The following KCNH2 variants were observed in gnomAD, a reference collection of about 807,000 sequenced individuals.
KCNH2 encodes voltage-gated inwardly rectifying potassium channel KCNH2.
A neutral mutation model predicts 95.9 loss-of-function variants in KCNH2; 35 were observed. That is an observed-to-expected ratio of 0.37 (90% CI 0.28 to 0.48). The LOEUF (loss-of-function observed/expected upper bound fraction) is 0.48. Ranked by LOEUF, KCNH2 falls within the 20% of genes least tolerant of loss-of-function variation. KCNH2 has a pLI of 0.99. For synonymous variants in KCNH2, 786 were observed against 754.7 expected, an observed-to-expected ratio of 1.04 and a Z score of -0.68; for missense variants, 1,274 against 1,702.9, an observed-to-expected ratio of 0.75 and a Z score of 4.43.
At chr7:150,969,656 G>C (rs548724692) in intron 2 of KCNH2, among the ~76,000 whole-genome samples, 294 of 152,318 alleles carry the variant, frequency 1.9e-3, no homozygotes, top group Middle Eastern at 0.01. Context: ...AAACAGTGCC[G>C]AGCTCTCGCT....
chr7:150,974,614 C>A, intron 2 of KCNH2, 97 bp downstream of exon 2: 1 of 828,100 alleles, frequency 1.2e-6, no homozygotes, highest in East Asian at 3.6e-5. Context: ...TCCAGCCGCC[C>A]CCACACCCCC....
At chr7:150,956,333 G>C (rs1429632694) in intron 5 of KCNH2, among the ~76,000 whole-genome samples, 2 of 152,324 alleles carry the variant, frequency 1.3e-5, no homozygotes, top group East Asian at 3.9e-4. Context: ...CAGAAAGCCA[G>C]GCGGTGGGAG....
intron 2 of KCNH2, 137 bp downstream of exon 2, chr7:150,974,574 C>G (rs1169098185): frequency 2.3e-5 from 18 of 772,532 alleles, no homozygotes; most frequent in Admixed American, 5.0e-5. Context: ...GTCACACCCC[C>G]ACAGAACCCT....
In KCNH2 at chr7:150,961,943, G is replaced by C. The variant is rs1801577281; in HGVS notation, c.308-2207C>G. 6.6e-6 allele frequency among the ~76,000 whole-genome samples: 1 copy of C among 152,144 alleles called. No homozygotes were observed. The highest frequency in any genetic ancestry group is 2.1e-4 in the South Asian group (1 of 4,826). Reference sequence around the variant, plus strand: ...TTAAACAGGATGGCACTAGGTGAAGGGGCTGGCCAGGAACTCTCCGCCCCA... The same window carrying C: ...TTAAACAGGATGGCACTAGGTGAAGCGGCTGGCCAGGAACTCTCCGCCCCA... On this transcript the variant is annotated intron_variant, in intron 2 of 14. Transcript: ENST00000262186. The surrounding 1 kb of genome is among the most constrained non-coding windows in gnomAD (Gnocchi z 6.2).
At position 150,958,161 on chromosome 7, in the gene KCNH2, A is replaced by G. The variant is rs13229961; in HGVS notation, c.814T>C (p.Ser272Pro). 1 of 1,334,936 alleles carries G rather than the reference A, an allele frequency of 7.5e-7. No homozygotes were observed. The highest frequency in any genetic ancestry group is 9.6e-7 in the Non-Finnish European group (1 of 1,045,166). The allele number at this position is 1,334,936 out of a possible 1,614,324, so 82.7% of individuals were successfully genotyped here. ...GSSCSLARTR[S>P]RESCASVRRA... ...CGCACGCTGGCGCAGCTTTCTCGGG[A>G]GCGCGTCCGGGCCAGGCTGCAGCTG... is the stretch of plus-strand genomic sequence containing the variant. The change falls in exon 4 of 15, where the codon TCC (serine) becomes CCC (proline). Residue 272 changes from serine to proline, a missense_variant. By Grantham distance (74) the Ser-to-Pro change is moderately conservative. This residue lies in a region of KCNH2 where 392 missense variants were observed against 429.9 expected (regional missense o/e 0.91). Coordinates refer to ENST00000262186, the MANE Select transcript of KCNH2 (RefSeq NM_000238.4).
chr7:150,972,102 C>G (rs532777576), intron 2 of KCNH2, among the ~76,000 whole-genome samples: 3 of 152,326 alleles, frequency 2.0e-5, no homozygotes, highest in Middle Eastern at 3.4e-3. Context: ...TCAGCCCACA[C>G]TCCCCCAGTC....
At position 150,961,086 on chromosome 7, in the gene KCNH2, C is replaced by T. The variant is rs965660705; in HGVS notation, c.308-1350G>A. On this transcript the variant is annotated intron_variant, in intron 2 of 14. Transcript: ENST00000262186. The surrounding 1 kb of genome is among the most constrained non-coding windows in gnomAD (Gnocchi z 6.2). ...CCCTAGGGAGCCTCTTCCTTCCTCTCAGCTCCCCCTCTGCTCAGCTGTCTT... is the reference window on the plus strand; with the variant it reads ...CCCTAGGGAGCCTCTTCCTTCCTCTTAGCTCCCCCTCTGCTCAGCTGTCTT... Among the ~76,000 whole-genome samples the T allele has an allele frequency of 6.6e-6, 1 of 152,202 alleles. No homozygotes were observed. The highest frequency in any genetic ancestry group is 6.5e-5 in the Admixed American group (1 of 15,286).
rs1227989254 is a variant in KCNH2, at chr7:150,958,284, G to A, written c.691C>T (p.Arg231Trp). The A allele has an allele frequency of 2.1e-6, 3 of 1,460,524 alleles. No homozygotes were observed. The highest frequency in any genetic ancestry group is 4.8e-5 in the Admixed American group (2 of 41,454). 90.5% of individuals were successfully genotyped at this position (1,460,524 alleles called of 1,614,324 possible). ...GAGCCGGGACCCACCAGCGCACGCCGCTCCTCCGCGGGCCCGAGCCCTGCC... is the reference window on the plus strand; with the variant it reads ...GAGCCGGGACCCACCAGCGCACGCCACTCCTCCGCGGGCCCGAGCCCTGCC... The part of the protein sequence containing the change: ...HVAGLGPAEE[R>W]RALVGPGSPP... The change falls in exon 4 of 15, where the codon CGG (arginine) becomes TGG (tryptophan). Residue 231 changes from arginine (R) to tryptophan (W), a missense_variant. Physicochemically the swap from Arg to Trp is moderately radical, Grantham distance 101. Transcript: ENST00000262186.
Position 150,977,767 on chromosome 7 carries a change from C to G in KCNH2, c.76+71G>C, listed in dbSNP as rs868572728. 4.8e-5 allele frequency: 61 copies of G among 1,272,346 alleles called. 2 individuals carry two copies. In the South Asian group the frequency reaches 7.1e-4, roughly 15 times the overall value. The allele number at this position is 1,272,346 out of a possible 1,614,324, so 78.8% of individuals were successfully genotyped here. On this transcript the variant is annotated intron_variant, in intron 1 of 14. Transcript: ENST00000262186. Reference sequence around the variant, plus strand: ...GACGCACACGGCCCGGGCACGCCCCCCCATCCACACTCGGAAGAGCTCGGC... The same window carrying G: ...GACGCACACGGCCCGGGCACGCCCCGCCATCCACACTCGGAAGAGCTCGGC...
chr7:150,974,712 A>G lies in KCNH2; in HGVS notation c.306T>C (p.Asp102=), dbSNP rs1005025657. The change falls in exon 2 of 15, where the codon GAT becomes GAC. Residue 102 remains aspartate (D), a splice_region_variant and synonymous_variant. Coordinates refer to ENST00000262186, the MANE Select transcript of KCNH2 (RefSeq NM_000238.4). The part of the protein sequence containing the change: ...RKVEIAFYRK[D]GSCFLCLVDV... ...GGCCCCGCCCCGGCCCGCTCCTACCATCTTTCCGGTAGAAGGCGATTTCCA... is the reference window on the plus strand; with the variant it reads ...GGCCCCGCCCCGGCCCGCTCCTACCGTCTTTCCGGTAGAAGGCGATTTCCA... 5 of 1,372,050 alleles carry G rather than the reference A, an allele frequency of 3.6e-6. No individual in the cohort carries two copies. In the African/African-American group the frequency reaches 4.8e-5, roughly 13 times the overall value. 85.0% of individuals were successfully genotyped at this position (1,372,050 alleles called of 1,614,324 possible). A position where few individuals can be genotyped will look rare whatever the true frequency, so the allele number is the denominator to read the frequency against.
chr7:150,952,618 A>G lies in KCNH2; in HGVS notation c.1364T>C (p.Val455Ala). 6.2e-7 allele frequency: 1 copy of G among 1,614,120 alleles called. No individual in the cohort carries two copies. Residue 455 changes from valine to alanine, a missense_variant, in exon 6 of 15, where the codon GTG becomes GCG. Physicochemically the swap from Val to Ala is moderately conservative, Grantham distance 64 (BLOSUM62 0). Coordinates refer to ENST00000262186, the MANE Select transcript of KCNH2 (RefSeq NM_000238.4). This position sits in a 1 kb window ranked among gnomAD's most constrained non-coding sequence, Gnocchi z 7.3. ...GAACATGATGTCCACGATGAGGTCC[A>G]CCACAGCCAGCGGCTGGCAGGCGTA... ...CGYACQPLAV[V>A]DLIVDIMFIV... is the part of the protein sequence containing the mutation.
intron 5 of KCNH2, 111 bp downstream of exon 5, chr7:150,957,180 A>C: frequency 1.1e-6 from 1 of 880,718 alleles, no homozygotes; most frequent in Non-Finnish European, 1.9e-6. Context: ...CCTCCCTCCA[A>C]GAGGCCCTCA....
Position 150,955,316 on chromosome 7 carries a change from T to C in KCNH2, c.1128+1975A>G, listed in dbSNP as rs1801328378. ...CTTCCCAGCAGCCCTCTCCCCAGCC[T>C]GGAGTCAGAGCCCTTGGGCCAGCCA... On this transcript the variant is annotated intron_variant, in intron 5 of 14. Transcript: ENST00000262186. 2.2e-6 allele frequency: 3 copies of C among 1,383,448 alleles called. No individual in the cohort carries two copies. In the Admixed American group the frequency reaches 5.9e-5, roughly 27 times the overall value. 85.7% of individuals were successfully genotyped at this position (1,383,448 alleles called of 1,614,324 possible).
intron 7 of KCNH2, 55 bp from the exon 8 acceptor site, chr7:150,951,175 C>A: frequency 2.7e-6 from 4 of 1,458,282 alleles, no homozygotes; most frequent in Non-Finnish European, 2.8e-6. Flanking sequence ...CACCCACCCA[C>A]AGGGACCCTG....
At chr7:150,949,977 A>G in intron 9 of KCNH2, 191 bp downstream of exon 9, 1 of 1,548,474 alleles carries the variant, frequency 6.5e-7, no homozygotes, top group Non-Finnish European at 8.7e-7. Flanking sequence ...AGAGTTCAGC[A>G]GCCTCACCCC....
At chr7:150,971,519 G>A (rs1421027125) in intron 2 of KCNH2, among the ~76,000 whole-genome samples, 1 of 152,102 alleles carries the variant, frequency 6.6e-6, no homozygotes, top group Non-Finnish European at 1.5e-5. Context: ...ACAGGGACAT[G>A]GAGCCAGGCC....
chr7:150,953,955 T>G (rs551722675), intron 5 of KCNH2, among the ~76,000 whole-genome samples: 1 of 152,240 alleles, frequency 6.6e-6, no homozygotes, highest in South Asian at 2.1e-4. Context: ...TCCCAAAGAC[T>G]CCCCTTCATA....
In KCNH2 at chr7:150,947,598, C is replaced by G; in HGVS notation, c.2965+8G>C. ...GGTCCTCCCTCGCCCGCCCGTCGCC[C>G]GGGATACCTGACAGGGGGTTGCAAG... On this transcript the variant is annotated splice_region_variant and intron_variant, in intron 12 of 14. Coordinates refer to ENST00000262186, the MANE Select transcript of KCNH2 (RefSeq NM_000238.4). 1 of 1,612,184 alleles carries G rather than the reference C, an allele frequency of 6.2e-7. No homozygotes were observed. Among genetic ancestry groups the G allele is most frequent in the African/African-American group, 1.3e-5 (1 of 75,004 alleles).
At chr7:150,949,089 G>T in intron 9 of KCNH2, 40 bp from the exon 10 acceptor site, 1 of 1,581,058 alleles carries the variant, frequency 6.3e-7, no homozygotes, top group Non-Finnish European at 8.7e-7. Flanking sequence ...AGCCCCGGGG[G>T]GCGGCATCCA....
Sources: gnomAD v4.1 joint callset for allele counts (sites outside exome capture counted in the v4.1 genomes callset) on GRCh38, gnomAD v4.1.1 for gene constraint, gnomAD v4.1.1 regional missense constraint, Gnocchi (gnomAD v3.1) non-coding constraint, MANE v1.5 for transcripts, NCBI Gene and HGNC (gene_info 2026-07-23, HGNC 2026-07-21) for gene names.